The following MAP1B variants were observed in gnomAD, a reference collection of about 807,000 sequenced individuals.
The protein encoded by MAP1B is microtubule associated protein 1B.
Under a neutral mutation model 176.1 loss-of-function variants are expected in MAP1B, and 12 were observed. The ratio of observed to expected loss-of-function variants is 0.07; its 90% CI spans 0.04 to 0.11. The LOEUF is 0.11. Among genes scored for constraint, MAP1B ranks in the 10% least tolerant of loss-of-function variants. MAP1B has a pLI of 1.00. For synonymous variants in MAP1B, 1,044 were observed against 1,135.0 expected (o/e 0.92, Z 1.61); for missense variants, 2,523 against 2,990.5 (o/e 0.84, Z 3.65).
intron 2 of MAP1B, among the ~76,000 whole-genome samples, chr5:72,159,740 G>A (rs370478114): frequency 6.6e-6 from 1 of 152,188 alleles, no homozygotes; most frequent in Non-Finnish European, 1.5e-5. Flanking sequence ...TGAAAATTCA[G>A]TGAAGATTTC....
rs561360127 is a variant in MAP1B at position 72,186,218 on chromosome 5, C to T, written c.370-396C>T. 4.6e-5 allele frequency among the ~76,000 whole-genome samples: 7 copies of T among 152,252 alleles called. No homozygotes were observed. The highest frequency in any genetic ancestry group is 3.9e-4 in the Admixed American group (6 of 15,290). On this transcript the variant is annotated intron_variant, in intron 3 of 6. Transcript: ENST00000296755. The surrounding 1 kb of genome is among the most constrained non-coding windows in gnomAD (Gnocchi z 4.3). ...GGTGATTCAGCCTGTGAGATAGTTC[C>T]GTCTTCCCTGGTTTCGCAGACCACG...
At chr5:72,153,811 G>A (rs1018096415) in intron 2 of MAP1B, among the ~76,000 whole-genome samples, 6 of 152,056 alleles carry the variant, frequency 3.9e-5, no homozygotes, top group South Asian at 2.1e-4. Flanking sequence ...TGACAAAAAC[G>A]TCTCCAGGTC....
In MAP1B at chr5:72,186,631, T is replaced by G; in HGVS notation, c.387T>G (p.Thr129=). ...AVSTEVRLMI[T]DAARHKLLVL... Reference sequence around the variant, plus strand: ...TATTTCAGGTGCGCTTAATGATCACTGATGCTGCCCGACACAAGCTGCTCG... The same window carrying G: ...TATTTCAGGTGCGCTTAATGATCACGGATGCTGCCCGACACAAGCTGCTCG... The change falls in exon 4 of 7, where the codon ACT becomes ACG. Residue 129 remains threonine, a synonymous_variant. Coordinates refer to ENST00000296755, the MANE Select transcript of MAP1B (RefSeq NM_005909.5). This position sits in a 1 kb window ranked among gnomAD's most constrained non-coding sequence, Gnocchi z 4.3. 3 of 1,614,196 alleles carry G rather than the reference T, an allele frequency of 1.9e-6. No homozygotes were observed. The South Asian group carries it at 3.3e-5, about 18-fold the overall frequency.
intron 1 of MAP1B, among the ~76,000 whole-genome samples, chr5:72,113,155 A>G (rs1579978026): frequency 6.6e-6 from 1 of 152,234 alleles, no homozygotes; most frequent in Admixed American, 6.5e-5. Flanking sequence ...AGGAGATACA[A>G]AGTAATTACA....
intron 2 of MAP1B, among the ~76,000 whole-genome samples, chr5:72,154,529 G>T (rs1404294039): frequency 6.6e-6 from 1 of 152,204 alleles, no homozygotes; most frequent in Non-Finnish European, 1.5e-5. Flanking sequence ...GAGCACTGAG[G>T]TTTATCATTC....
chr5:72,119,331 C>A (rs1361955357), intron 2 of MAP1B, among the ~76,000 whole-genome samples: 2 of 152,230 alleles, frequency 1.3e-5, no homozygotes, highest in Non-Finnish European at 2.9e-5. Flanking sequence ...CAGGGCAGGT[C>A]TCTGCTGATT....
chr5:72,138,583 C>T (rs1308145966), intron 2 of MAP1B, among the ~76,000 whole-genome samples: 1 of 152,094 alleles, frequency 6.6e-6, no homozygotes, highest in Non-Finnish European at 1.5e-5. Flanking sequence ...CTTATTGCTA[C>T]GTTATTTCTC....
chr5:72,203,459 T>G, intron 5 of MAP1B, 104 bp from the exon 6 acceptor site: 1 of 829,062 alleles, frequency 1.2e-6, no homozygotes, highest in East Asian at 2.4e-5. Flanking sequence ...GAGGACCTAC[T>G]TGTGATTGAA....
chr5:72,199,190 G>A lies in MAP1B; in HGVS notation c.5835G>A (p.Lys1945=). The part of the protein sequence containing the change: ...DGDYSYEIIE[K]TTRTPEEGGY... ...ACTATTCCTATGAAATTATTGAGAAGACCACACGGACCCCTGAAGAGGGTG... is the reference window on the plus strand; with the variant it reads ...ACTATTCCTATGAAATTATTGAGAAAACCACACGGACCCCTGAAGAGGGTG... The change falls in exon 5 of 7, where the codon AAG becomes AAA. Residue 1945 remains lysine (K), a synonymous_variant. Transcript: ENST00000296755. The surrounding 1 kb of genome is among the most constrained non-coding windows in gnomAD (Gnocchi z 4.2). 1 of 1,614,022 alleles carries A rather than the reference G, an allele frequency of 6.2e-7. No individual in the cohort carries two copies. Among genetic ancestry groups the A allele is most frequent in the Non-Finnish European group, 8.5e-7 (1 of 1,179,964 alleles).
intron 2 of MAP1B, among the ~76,000 whole-genome samples, chr5:72,167,136 G>A (rs1380443028): frequency 6.6e-6 from 1 of 151,966 alleles, no homozygotes; most frequent in Non-Finnish European, 1.5e-5. Context: ...AAGGGAAACA[G>A]GGGATCCAAA....
rs562192797 is a variant in MAP1B at position 72,203,379 on chromosome 5, A to T, written c.7013-184A>T. ...AAACAACCATGTTATGTTTTGTCAC[A>T]TTGCTAGCGTAAATGCCCTTGACAG... is the stretch of plus-strand genomic sequence containing the variant. On this transcript the variant is annotated intron_variant, in intron 5 of 6. Transcript: ENST00000296755. Among the ~76,000 whole-genome samples, 131 of 152,290 alleles carry T rather than the reference A, an allele frequency of 8.6e-4. 1 individual carries two copies. The highest frequency in any genetic ancestry group is 3.0e-3 in the African/African-American group (123 of 41,576).
At chr5:72,163,930 C>CTTTT (rs869167918) in intron 2 of MAP1B, among the ~76,000 whole-genome samples, 50 of 43,716 alleles carry the variant, frequency 1.1e-3, no homozygotes, top group African/African-American at 1.7e-3. Flanking sequence ...TTTTTTTTTT[C>CTTTT]TTTTTTTTTT....
In MAP1B at chr5:72,107,727, C is replaced by A; in HGVS notation, c.184+12C>A. ...CAACATCGAGCTCGGTAAGTGGCCC[C>A]GCGCCCCCAGAGACGCGCGCTGGGA... On this transcript the variant is annotated intron_variant, in intron 1 of 6. Transcript: ENST00000296755. 6.3e-7 allele frequency: 1 copy of A among 1,597,890 alleles called. No individual in the cohort carries two copies.
chr5:72,158,071 G>A (rs1018182928), intron 2 of MAP1B, among the ~76,000 whole-genome samples: 2 of 143,110 alleles, frequency 1.4e-5, no homozygotes, highest in Admixed American at 1.5e-4. Context: ...GCAGTGGCAC[G>A]ATCTCAGCTC....
chr5:72,108,596 C>T (rs544627937), intron 1 of MAP1B, among the ~76,000 whole-genome samples: 3 of 152,296 alleles, frequency 2.0e-5, no homozygotes, highest in African/African-American at 7.2e-5. Context: ...CCGTGAGGGT[C>T]CGGCGGGCAC....
chr5:72,174,669 G>C (rs1387365403), intron 2 of MAP1B, among the ~76,000 whole-genome samples: 1 of 150,022 alleles, frequency 6.7e-6, no homozygotes, highest in Non-Finnish European at 1.5e-5. Flanking sequence ...TGTGCGTTGA[G>C]GGGCATGTGT....
Position 72,197,907 on chromosome 5 carries a change from A to G in MAP1B, c.4552A>G (p.Lys1518Glu), listed in dbSNP as rs1381901248. ...SQFGSFKEDT[K>E]MSISEGTVSD... ...GTTTGGATCTTTTAAAGAAGACACTAAGATGTCCATTTCTGAAGGTACTGT... is the reference window on the plus strand; with the variant it reads ...GTTTGGATCTTTTAAAGAAGACACTGAGATGTCCATTTCTGAAGGTACTGT... Residue 1518 changes from lysine to glutamate, a missense_variant, in exon 5 of 7, where the codon AAG (lysine) becomes GAG (glutamate). By Grantham distance (56) the Lys-to-Glu change is moderately conservative. Transcript: ENST00000296755. The G allele has an allele frequency of 9.3e-6, 15 of 1,614,204 alleles. No homozygotes were observed. Among genetic ancestry groups the G allele is most frequent in the Non-Finnish European group, 1.3e-5 (15 of 1,180,016 alleles).
In MAP1B at chr5:72,196,786, G is replaced by A; in HGVS notation, c.3431G>A (p.Ser1144Asn). The change falls in exon 5 of 7, where the codon AGT (serine) becomes AAT (asparagine). Residue 1144 changes from serine (S) to asparagine (N), a missense_variant. Around this residue, in one of 4 missense-constraint regions of MAP1B, gnomAD observed 1,925 missense variants for 2,126.0 expected, o/e 0.91. Coordinates refer to ENST00000296755, the MANE Select transcript of MAP1B (RefSeq NM_005909.5). This position sits in a 1 kb window ranked among gnomAD's most constrained non-coding sequence, Gnocchi z 5.3. ...ATGTCTACCCCTCGAGACGTGATGA[G>A]TGATGAGACCAACAATGAAGAGACG... ...DEMSTPRDVM[S>N]DETNNEETES... is the part of the protein sequence containing the mutation. 1 of 1,614,118 alleles carries A rather than the reference G, an allele frequency of 6.2e-7. No homozygotes were observed. Among genetic ancestry groups the A allele is most frequent in the Non-Finnish European group, 8.5e-7 (1 of 1,179,998 alleles).
chr5:72,147,365 C>T (rs1746064759), intron 2 of MAP1B, among the ~76,000 whole-genome samples: 1 of 152,040 alleles, frequency 6.6e-6, no homozygotes, highest in South Asian at 2.1e-4. Flanking sequence ...ATCTTTGTTG[C>T]TGGGGCAATA....
Sources: gnomAD v4.1 joint callset for allele counts (sites outside exome capture counted in the v4.1 genomes callset) on GRCh38, gnomAD v4.1.1 for gene constraint, gnomAD v4.1.1 regional missense constraint, Gnocchi (gnomAD v3.1) non-coding constraint, MANE v1.5 for transcripts, NCBI Gene and HGNC (gene_info 2026-07-23, HGNC 2026-07-21) for gene names.